JMJD1C: variants seen among roughly 807,000 people sequenced by gnomAD.
The protein encoded by JMJD1C is jumonji domain-containing protein 1C.
A neutral mutation model predicts 245.3 loss-of-function variants in JMJD1C; 31 were observed. That is an observed-to-expected ratio of 0.13 (90% CI 0.09 to 0.17). The LOEUF is 0.17. Ranked by LOEUF, JMJD1C falls within the 10% of genes least tolerant of loss-of-function variation. The pLI, the probability that JMJD1C is intolerant of heterozygous loss-of-function variation, is 1.00. For missense variants in JMJD1C, 2,691 were observed against 3,000.2 expected (o/e 0.90, Z 2.41); for synonymous variants, 1,057 against 1,017.4 (o/e 1.04, Z -0.74).
rs562812973 is a variant in JMJD1C, at chr10:63,418,727, G to T, written c.169-38245C>A. ...CAAATAATTAAAATATCATGTGGGG[G>T]GGGTTTCTGCTTCCCGTATATTTGA... On this transcript the variant is annotated intron_variant, in intron 1 of 25. Coordinates refer to ENST00000399262, the MANE Select transcript of JMJD1C (RefSeq NM_032776.3). Among the ~76,000 whole-genome samples, 3 of 152,200 alleles carry T rather than the reference G, an allele frequency of 2.0e-5. No individual in the cohort carries two copies. In the South Asian group the frequency reaches 6.2e-4, roughly 32 times the overall value.
At position 63,391,326 on chromosome 10, in the gene JMJD1C, C is replaced by T. The variant is rs1225380057; in HGVS notation, c.169-10844G>A. Reference sequence around the variant, plus strand: ...GAGATGGAAACCATCCTGGCTAACACGGTGAAACCCCGTCTCTACTAAAAA... The same window carrying T: ...GAGATGGAAACCATCCTGGCTAACATGGTGAAACCCCGTCTCTACTAAAAA... On this transcript the variant is annotated intron_variant, in intron 1 of 25. Transcript: ENST00000399262. 3.9e-5 allele frequency among the ~76,000 whole-genome samples: 6 copies of T among 151,956 alleles called. No homozygotes were observed. In the East Asian group the frequency reaches 7.7e-4, roughly 20 times the overall value.
At chr10:63,418,274 G>C (rs1949912254) in intron 1 of JMJD1C, among the ~76,000 whole-genome samples, 2 of 152,082 alleles carry the variant, frequency 1.3e-5, no homozygotes, top group Admixed American at 6.5e-5. Context: ...CTGGTCTGGG[G>C]ACCACACTTT....
At chr10:63,371,578 T>C (rs574087657) in intron 2 of JMJD1C, among the ~76,000 whole-genome samples, 7 of 152,296 alleles carry the variant, frequency 4.6e-5, no homozygotes, top group African/African-American at 1.7e-4. Flanking sequence ...TGACAAACAT[T>C]AGCTAAACTG....
intron 1 of JMJD1C, among the ~76,000 whole-genome samples, chr10:63,394,187 C>CGA (rs760142824): frequency 2.5e-5 from 2 of 80,154 alleles, no homozygotes; most frequent in Non-Finnish European, 4.6e-5. Flanking sequence ...ACTCCGTCTC[C>CGA]AAAAAAAAAA....
intron 1 of JMJD1C, among the ~76,000 whole-genome samples, chr10:63,400,106 C>G (rs1589673387): frequency 1.3e-5 from 2 of 152,306 alleles, no homozygotes; most frequent in East Asian, 3.9e-4. Flanking sequence ...TTTATACCTA[C>G]ATAATATCCC....
chr10:63,289,218 T>A (rs1858352301), intron 2 of JMJD1C, among the ~76,000 whole-genome samples: 1 of 152,154 alleles, frequency 6.6e-6, no homozygotes, highest in South Asian at 2.1e-4. Flanking sequence ...CCAGAACTAG[T>A]GAAATTTAAA....
At chr10:63,348,010 C>A (rs867766084) in intron 2 of JMJD1C, among the ~76,000 whole-genome samples, 2 of 152,096 alleles carry the variant, frequency 1.3e-5, no homozygotes, top group South Asian at 4.2e-4. Flanking sequence ...GTCAGGAGTT[C>A]GAGATCAGCC....
chr10:63,266,563 T>C (rs1313249900), intron 2 of JMJD1C, among the ~76,000 whole-genome samples: 1 of 152,194 alleles, frequency 6.6e-6, no homozygotes, highest in Non-Finnish European at 1.5e-5. Flanking sequence ...TGTTTTTTCA[T>C]ATTATATCTC....
At chr10:63,271,849 T>A (rs1589352663) in intron 2 of JMJD1C, among the ~76,000 whole-genome samples, 1 of 152,012 alleles carries the variant, frequency 6.6e-6, no homozygotes, top group African/African-American at 2.4e-5. Flanking sequence ...CAGTGGTGGG[T>A]GGATCACTTG....
At chr10:63,294,755 C>A (rs1326549732) in intron 2 of JMJD1C, among the ~76,000 whole-genome samples, 1 of 152,166 alleles carries the variant, frequency 6.6e-6, no homozygotes. Context: ...GTATCTGTCT[C>A]CACAAAACTT....
At chr10:63,202,727 G>C (rs1589135657) in intron 10 of JMJD1C, 1 of 985,342 alleles carries the variant, frequency 1.0e-6, no homozygotes, top group East Asian at 1.1e-4. Context: ...ATTTCCAGAA[G>C]ACTTATGTAA....
intron 3 of JMJD1C, among the ~76,000 whole-genome samples, chr10:63,230,953 T>C (rs1051088286): frequency 6.6e-6 from 1 of 152,198 alleles, no homozygotes; most frequent in East Asian, 1.9e-4. Flanking sequence ...TGTGATTCTG[T>C]ACAACACATA....
intron 8 of JMJD1C, among the ~76,000 whole-genome samples, chr10:63,211,974 G>T (rs552948677): frequency 6.7e-6 from 1 of 148,614 alleles, no homozygotes; most frequent in Non-Finnish European, 1.5e-5. Context: ...CATACATACA[G>T]TGGAATATTA....
At chr10:63,397,031 T>G (rs977562451) in intron 1 of JMJD1C, among the ~76,000 whole-genome samples, 1 of 146,034 alleles carries the variant, frequency 6.8e-6, no homozygotes, top group Non-Finnish European at 1.6e-5. Context: ...ACTATTTACA[T>G]GTATATATTT....
intron 1 of JMJD1C, among the ~76,000 whole-genome samples, chr10:63,387,467 A>G (rs1442767330): frequency 6.6e-6 from 1 of 151,990 alleles, no homozygotes; most frequent in Non-Finnish European, 1.5e-5. Flanking sequence ...CACCAAAGAG[A>G]CAGCATAAAA....
At chr10:63,435,201 C>T (rs1950995286) in intron 1 of JMJD1C, among the ~76,000 whole-genome samples, 1 of 152,158 alleles carries the variant, frequency 6.6e-6, no homozygotes, top group Non-Finnish European at 1.5e-5. Flanking sequence ...GATCAATTTG[C>T]TGTTTTCTGT....
At chr10:63,519,903 G>A (rs1323409578) in intron 1 of JMJD1C, among the ~76,000 whole-genome samples, 1 of 152,190 alleles carries the variant, frequency 6.6e-6, no homozygotes, top group Non-Finnish European at 1.5e-5. Flanking sequence ...ATTCATTTGA[G>A]TTTTATTGAA....
At chr10:63,181,728 C>T (rs530340593) in intron 22 of JMJD1C, among the ~76,000 whole-genome samples, 1 of 152,276 alleles carries the variant, frequency 6.6e-6, no homozygotes, top group East Asian at 1.9e-4. Flanking sequence ...AAAGTTCTAG[C>T]TTTTAAGGAC....
chr10:63,193,823 C>T (rs1042351810), intron 14 of JMJD1C, among the ~76,000 whole-genome samples: 10 of 152,070 alleles, frequency 6.6e-5, no homozygotes, highest in African/African-American at 1.9e-4. Context: ...CCTGCCACCA[C>T]GCCCGGCTAA....
Sources: allele counts gnomAD v4.1 joint callset (sites outside exome capture counted in the v4.1 genomes callset), GRCh38; gene constraint gnomAD v4.1.1; transcripts MANE v1.5; gene names NCBI Gene and HGNC (gene_info 2026-07-23, HGNC 2026-07-21).